The following TRABD2B variants were observed in gnomAD, a reference collection of about 807,000 sequenced individuals.
TRABD2B encodes the protein metalloprotease TIKI2.
TRABD2B carries 14 observed loss-of-function variants against 40.1 expected under a neutral mutation model. The ratio of observed to expected loss-of-function variants is 0.35; its 90% CI spans 0.23 to 0.55. The LOEUF is 0.55. Ranked by LOEUF, TRABD2B falls within the 20% of genes least tolerant of loss-of-function variation. The pLI, the probability that TRABD2B is intolerant of heterozygous loss-of-function variation, is 0.90. For synonymous variants in TRABD2B, 263 were observed against 277.0 expected (o/e 0.95, Z 0.50); for missense variants, 541 against 648.6 (o/e 0.83, Z 1.80).
At chr1:47,985,849 G>A (rs1645911729) in intron 2 of TRABD2B, among the ~76,000 whole-genome samples, 1 of 152,154 alleles carries the variant, frequency 6.6e-6, no homozygotes, top group African/African-American at 2.4e-5. Flanking sequence ...CTTTTAACAT[G>A]GATGGTCCTC....
rs531407133 is a variant in TRABD2B at position 47,872,684 on chromosome 1, T to C, written c.667-71065A>G. Among the ~76,000 whole-genome samples the C allele has an allele frequency of 1.1e-4, 16 of 152,278 alleles. No individual in the cohort carries two copies. The South Asian group carries it at 2.1e-3, about 20-fold the overall frequency. ...AGATGTCTACTAAGAAGCTGTCCCA[T>C]GAGAACAATCCTTATACGTTATTTA... On this transcript the variant is annotated intron_variant, in intron 2 of 6. Coordinates refer to ENST00000606738, the MANE Select transcript of TRABD2B (RefSeq NM_001194986.2).
intron 2 of TRABD2B, among the ~76,000 whole-genome samples, chr1:47,909,514 A>T (rs1312921542): frequency 1.7e-5 from 2 of 120,160 alleles, no homozygotes; most frequent in Admixed American, 1.6e-4. Context: ...GAGAAGGAGA[A>T]GGGGGAGGAG....
intron 2 of TRABD2B, among the ~76,000 whole-genome samples, chr1:47,802,268 G>C (rs1315737906): frequency 6.6e-6 from 1 of 152,222 alleles, no homozygotes; most frequent in Admixed American, 6.5e-5. Context: ...CAGATGCCCA[G>C]ATCTCGCCCT....
chr1:47,931,631 T>C (rs933166259), intron 2 of TRABD2B, among the ~76,000 whole-genome samples: 1 of 152,100 alleles, frequency 6.6e-6, no homozygotes, highest in African/African-American at 2.4e-5. Flanking sequence ...GGAGGGCAAG[T>C]ATCGCAGCTG....
intron 2 of TRABD2B, among the ~76,000 whole-genome samples, chr1:47,806,459 T>G (rs903857370): frequency 1.3e-5 from 2 of 152,180 alleles, no homozygotes; most frequent in Non-Finnish European, 2.9e-5. Flanking sequence ...AAACCTTCTT[T>G]GTACATAGCC....
At chr1:47,829,886 G>T (rs1020232445) in intron 2 of TRABD2B, among the ~76,000 whole-genome samples, 7 of 152,082 alleles carry the variant, frequency 4.6e-5, no homozygotes, top group African/African-American at 1.7e-4. Flanking sequence ...CTTCCTCTTG[G>T]TCTCTTGTCA....
intron 2 of TRABD2B, among the ~76,000 whole-genome samples, chr1:47,828,472 G>T (rs751183783): frequency 4.6e-5 from 7 of 152,218 alleles, no homozygotes; most frequent in Non-Finnish European, 2.9e-5. Flanking sequence ...GACAGTGCAC[G>T]AGGGCCGCTC....
At chr1:47,840,435 G>A (rs1002437402) in intron 2 of TRABD2B, among the ~76,000 whole-genome samples, 1 of 152,140 alleles carries the variant, frequency 6.6e-6, no homozygotes, top group African/African-American at 2.4e-5. Context: ...AATCCCCTGA[G>A]TCTTCCTCTA....
intron 2 of TRABD2B, among the ~76,000 whole-genome samples, chr1:47,904,419 G>A (rs1304663098): frequency 6.6e-6 from 1 of 152,178 alleles, no homozygotes; most frequent in Non-Finnish European, 1.5e-5. Flanking sequence ...CCATCCTGGG[G>A]CAACTCTTAT....
chr1:47,900,111 A>C (rs914228485), intron 2 of TRABD2B, among the ~76,000 whole-genome samples: 2 of 152,094 alleles, frequency 1.3e-5, no homozygotes, highest in Non-Finnish European at 2.9e-5. Context: ...ATACATGGAA[A>C]CCACCTCAGA....
chr1:47,780,826 C>T (rs975480014), intron 4 of TRABD2B, among the ~76,000 whole-genome samples: 5 of 152,206 alleles, frequency 3.3e-5, no homozygotes, highest in African/African-American at 9.6e-5. Context: ...GAGCTCTGGC[C>T]CTGACCTAGT....
chr1:47,792,370 C>A (rs765888539), intron 4 of TRABD2B, among the ~76,000 whole-genome samples: 2 of 152,216 alleles, frequency 1.3e-5, no homozygotes, highest in Non-Finnish European at 2.9e-5. Flanking sequence ...CTGAGGCGAG[C>A]ATGGGAGACA....
At chr1:47,954,662 T>C (rs985707321) in intron 2 of TRABD2B, among the ~76,000 whole-genome samples, 1 of 152,196 alleles carries the variant, frequency 6.6e-6, no homozygotes, top group Non-Finnish European at 1.5e-5. Flanking sequence ...TGTGTGTGTC[T>C]GTATGTGTGT....
At chr1:47,819,432 G>T (rs962688987) in intron 2 of TRABD2B, 1 of 152,220 alleles carries the variant, frequency 6.6e-6, no homozygotes, top group African/African-American at 2.4e-5. Flanking sequence ...AACCGAAGCC[G>T]CCTGAGGTCC....
At chr1:47,983,931 C>A (rs1645879278) in intron 2 of TRABD2B, among the ~76,000 whole-genome samples, 1 of 152,086 alleles carries the variant, frequency 6.6e-6, no homozygotes, top group Admixed American at 6.5e-5. Flanking sequence ...AGACTCAAGG[C>A]CAAGCAGCTC....
chr1:47,943,585 G>A (rs1170184372), intron 2 of TRABD2B, among the ~76,000 whole-genome samples: 7 of 152,120 alleles, frequency 4.6e-5, no homozygotes, highest in Non-Finnish European at 8.8e-5. Flanking sequence ...GCTACTGGAA[G>A]AGACACCCCC....
At chr1:47,867,476 G>A (rs566044061) in intron 2 of TRABD2B, among the ~76,000 whole-genome samples, 4 of 152,268 alleles carry the variant, frequency 2.6e-5, no homozygotes, top group Admixed American at 6.5e-5. Flanking sequence ...CATTACATGC[G>A]CTGGCTTCCT....
rs531045982 is a variant in TRABD2B, at chr1:47,929,432, T to G, written c.666+64602A>C. ...GTGTTTATCAGTCCTCTCTCTGAACTGTTAAGCTCCAGAGCAAGAATACTT... is the reference window on the plus strand; with the variant it reads ...GTGTTTATCAGTCCTCTCTCTGAACGGTTAAGCTCCAGAGCAAGAATACTT... On this transcript the variant is annotated intron_variant, in intron 2 of 6. Transcript: ENST00000606738. 2.0e-3 allele frequency among the ~76,000 whole-genome samples: 307 copies of G among 152,338 alleles called. 3 individuals are homozygous for G. The South Asian group carries it at 0.033, about 16-fold the overall frequency.
intron 2 of TRABD2B, among the ~76,000 whole-genome samples, chr1:47,907,772 C>G (rs1644698433): frequency 6.6e-6 from 1 of 152,174 alleles, no homozygotes; most frequent in Non-Finnish European, 1.5e-5. Flanking sequence ...CACAGTGTTT[C>G]CTTTGACCTG....
Sources: gnomAD v4.1 joint callset for allele counts (sites outside exome capture counted in the v4.1 genomes callset) on GRCh38, gnomAD v4.1.1 for gene constraint, MANE v1.5 for transcripts, NCBI Gene and HGNC (gene_info 2026-07-23, HGNC 2026-07-21) for gene names.